Variants in ELF2 observed in about 807,000 individuals in gnomAD.
ELF2 encodes the protein E74 like ETS transcription factor 2, also known as ETS-related transcription factor Elf-2.
ELF2 carries 11 observed loss-of-function variants against 54.8 expected under a neutral mutation model. The observed-to-expected ratio is 0.20, with a 90% confidence interval of 0.13 to 0.33. The LOEUF (loss-of-function observed/expected upper bound fraction) is 0.33. Ranked by LOEUF, ELF2 falls within the 10% of genes least tolerant of loss-of-function variation. The pLI is 1.00. For synonymous variants in ELF2, 203 were observed against 245.1 expected (o/e 0.83, Z 1.61); for missense variants, 513 against 703.0 (o/e 0.73, Z 3.06).
rs149209918 is a variant in ELF2 at position 139,079,283 on chromosome 4, T to C, written c.239-5716A>G. Among the ~76,000 whole-genome samples the C allele has an allele frequency of 1.2e-3, 189 of 152,304 alleles. 2 individuals carry two copies. The highest frequency in any genetic ancestry group is 3.4e-3 in the Middle Eastern group (1 of 292). ...GTAAGTAGCTTTGTTTTTTACATTT[T>C]TGCAAATCTTATTATACTTGATTCA... On this transcript the variant is annotated intron_variant, in intron 4 of 9. Coordinates refer to ENST00000686138, the MANE Select transcript of ELF2 (RefSeq NM_001331036.3).
rs1727214502 is a variant in ELF2, at chr4:139,057,509, T to C, written c.*1474A>G. 6.6e-6 allele frequency: 1 copy of C among 152,232 alleles called. No homozygotes were observed. The highest frequency in any genetic ancestry group is 2.4e-5 in the African/African-American group (1 of 41,468). The allele number at this position is 152,232 out of a possible 1,614,324, so 9.4% of individuals were successfully genotyped here. A position where few individuals can be genotyped will look rare whatever the true frequency, so the allele number is the denominator to read the frequency against. On this transcript the variant is annotated 3_prime_UTR_variant, in exon 10 of 10. Coordinates refer to ENST00000686138, the MANE Select transcript of ELF2 (RefSeq NM_001331036.3). ...TACATAGTTTATGTAATCCTTCAGA[T>C]ACCTTAACTTCCTAATCTGTAAAAG...
intron 4 of ELF2, among the ~76,000 whole-genome samples, chr4:139,103,855 C>T (rs1734155836): frequency 6.6e-6 from 1 of 152,162 alleles, no homozygotes; most frequent in African/African-American, 2.4e-5. Flanking sequence ...CATAGTGAGA[C>T]AAAGAGTTTG....
At chr4:139,134,875 T>C (rs1427650172) in intron 3 of ELF2, among the ~76,000 whole-genome samples, 1 of 151,812 alleles carries the variant, frequency 6.6e-6, no homozygotes, top group Admixed American at 6.6e-5. Context: ...AAATTATTCC[T>C]ATATATTTAA....
intron 4 of ELF2, among the ~76,000 whole-genome samples, chr4:139,104,422 A>T (rs1734209194): frequency 6.6e-6 from 1 of 151,334 alleles, no homozygotes; most frequent in Non-Finnish European, 1.5e-5. Context: ...AGGCAGGAGA[A>T]TAACTTGAGC....
intron 1 of ELF2, among the ~76,000 whole-genome samples, chr4:139,140,087 G>C (rs1161778548): frequency 6.6e-6 from 1 of 152,082 alleles, no homozygotes; most frequent in Admixed American, 6.5e-5. Flanking sequence ...ATGCCACCAT[G>C]CTCAGGTCAG....
chr4:139,109,356 G>A (rs1205963531), intron 4 of ELF2, among the ~76,000 whole-genome samples: 2 of 152,100 alleles, frequency 1.3e-5, no homozygotes, highest in East Asian at 3.9e-4. Flanking sequence ...TTAAGAAGCA[G>A]CAGACTTAAT....
Position 139,125,232 on chromosome 4 carries a change from T to C in ELF2, c.170A>G (p.Asp57Gly). 1 of 1,614,030 alleles carries C rather than the reference T, an allele frequency of 6.2e-7. No homozygotes were observed. The highest frequency in any genetic ancestry group is 8.5e-7 in the Non-Finnish European group (1 of 1,179,964). ...QGYAAQVLVY[D>G]DETYMMQDVA... is the part of the protein sequence containing the mutation. ...ATCTTGCATCATATAAGTCTCATCATCATAAACCAGAACCTGGGCTGCATA... is the reference window on the plus strand; with the variant it reads ...ATCTTGCATCATATAAGTCTCATCACCATAAACCAGAACCTGGGCTGCATA... Residue 57 changes from aspartate to glycine, a missense_variant, in exon 4 of 10, where the codon GAT (aspartate) becomes GGT (glycine). This residue lies in a region of ELF2 where 203 missense variants were observed against 245.9 expected (regional missense o/e 0.83). Coordinates refer to ENST00000686138, the MANE Select transcript of ELF2 (RefSeq NM_001331036.3).
chr4:139,093,232 T>C (rs1732874623), intron 4 of ELF2, among the ~76,000 whole-genome samples: 1 of 152,184 alleles, frequency 6.6e-6, no homozygotes, highest in Non-Finnish European at 1.5e-5. Context: ...CCCAAAGTGC[T>C]GGGATTACAG....
chr4:139,133,438 C>G (rs1460692329), intron 3 of ELF2, among the ~76,000 whole-genome samples: 2 of 152,208 alleles, frequency 1.3e-5, no homozygotes, highest in African/African-American at 4.8e-5. Flanking sequence ...CCAATAACCA[C>G]ACTGCCTCAA....
At chr4:139,123,559 C>T (rs1736610655) in intron 4 of ELF2, among the ~76,000 whole-genome samples, 1 of 152,114 alleles carries the variant, frequency 6.6e-6, no homozygotes, top group Non-Finnish European at 1.5e-5. Flanking sequence ...GTCAATTATA[C>T]CAATAATAAG....
At chr4:139,102,914 G>C (rs1019072153) in intron 4 of ELF2, among the ~76,000 whole-genome samples, 1 of 151,934 alleles carries the variant, frequency 6.6e-6, no homozygotes, top group Non-Finnish European at 1.5e-5. Flanking sequence ...CTGAGACAGG[G>C]TCTCGCTCTG....
chr4:139,115,825 T>TTTGTTG (rs1428730332), intron 4 of ELF2, among the ~76,000 whole-genome samples: 1 of 152,130 alleles, frequency 6.6e-6, no homozygotes, highest in Non-Finnish European at 1.5e-5. Flanking sequence ...GGAATAGTTT[T>TTTGTTG]TTGTTGTTGT....
chr4:139,058,770 T>C lies in ELF2; in HGVS notation c.*213A>G. The C allele has an allele frequency of 1.7e-6, 1 of 604,578 alleles. No individual in the cohort carries two copies. The highest frequency in any genetic ancestry group is 2.7e-6 in the Non-Finnish European group (1 of 371,286). 37.5% of individuals were successfully genotyped at this position (604,578 alleles called of 1,614,324 possible). ...ATTGATGGGTTCAGTTGTTTCCTAC[T>C]GTAAGAGGCAGTTTTCTGTCAGCAT... On this transcript the variant is annotated 3_prime_UTR_variant, in exon 10 of 10. Coordinates refer to ENST00000686138, the MANE Select transcript of ELF2 (RefSeq NM_001331036.3).
intron 4 of ELF2, among the ~76,000 whole-genome samples, chr4:139,086,155 G>A (rs1251616348): frequency 6.6e-6 from 1 of 151,974 alleles, no homozygotes; most frequent in Non-Finnish European, 1.5e-5. Flanking sequence ...GCAATGGGAA[G>A]TTAAAAGAGA....
At chr4:139,074,972 C>T (rs1730083335) in intron 4 of ELF2, among the ~76,000 whole-genome samples, 1 of 152,156 alleles carries the variant, frequency 6.6e-6, no homozygotes, top group Non-Finnish European at 1.5e-5. Flanking sequence ...GCAGAGGTGA[C>T]TAAAGATGGA....
chr4:139,071,076 A>G (rs941099475), intron 6 of ELF2, among the ~76,000 whole-genome samples: 4 of 152,088 alleles, frequency 2.6e-5, no homozygotes, highest in African/African-American at 4.8e-5. Flanking sequence ...GATGTTGAAA[A>G]TGTGGTAGTG....
At chr4:139,112,681 A>G (rs757349469) in intron 4 of ELF2, among the ~76,000 whole-genome samples, 1 of 152,160 alleles carries the variant, frequency 6.6e-6, no homozygotes, top group Non-Finnish European at 1.5e-5. Flanking sequence ...TATTATTTAG[A>G]TACACTGTTG....
At chr4:139,138,373 C>T (rs1227780744) in intron 2 of ELF2, among the ~76,000 whole-genome samples, 4 of 151,258 alleles carry the variant, frequency 2.6e-5, no homozygotes, top group Admixed American at 6.6e-5. Flanking sequence ...GCCAAGATGG[C>T]GCCACTGCAC....
At chr4:139,136,381 T>C (rs868756725) in intron 3 of ELF2, among the ~76,000 whole-genome samples, 1 of 151,940 alleles carries the variant, frequency 6.6e-6, no homozygotes, top group African/African-American at 2.4e-5. Context: ...TGCCCATAGC[T>C]GATCCGGATC....
Sources: allele counts gnomAD v4.1 joint callset (sites outside exome capture counted in the v4.1 genomes callset), GRCh38; gene constraint gnomAD v4.1.1; regional missense constraint gnomAD v4.1.1; transcripts MANE v1.5; gene names NCBI Gene and HGNC (gene_info 2026-07-23, HGNC 2026-07-21).